TCOF1: variants seen among roughly 807,000 people sequenced by gnomAD.
TCOF1 encodes treacle protein.
A neutral mutation model predicts 149.0 loss-of-function variants in TCOF1; 33 were observed. The observed-to-expected ratio is 0.22, with a 90% CI of 0.17 to 0.30. The LOEUF (loss-of-function observed/expected upper bound fraction) is 0.30, where lower values mean the gene tolerates loss of function less well. TCOF1 is among the 10% of genes least tolerant of loss of function. The pLI, the probability that TCOF1 is intolerant of heterozygous loss-of-function variation, is 1.00. For missense variants in TCOF1, 1,728 were observed against 1,840.7 expected (o/e 0.94, Z 1.12); for synonymous variants, 789 against 738.8 (o/e 1.07, Z -1.10).
chr5:150,363,548 G>A (rs1475401648), intron 2 of TCOF1, among the ~76,000 whole-genome samples: 1 of 152,238 alleles, frequency 6.6e-6, no homozygotes, highest in Non-Finnish European at 1.5e-5. Context: ...GTAGTGAGCT[G>A]CCAGCTGCCT....
At chr5:150,362,475 A>G (rs1412559925) in intron 2 of TCOF1, among the ~76,000 whole-genome samples, 1 of 152,164 alleles carries the variant, frequency 6.6e-6, no homozygotes, top group African/African-American at 2.4e-5. Flanking sequence ...AGGACCAAGA[A>G]TAGTGCGTTC....
chr5:150,360,577 G>A (rs1759820982), intron 1 of TCOF1, among the ~76,000 whole-genome samples: 1 of 152,168 alleles, frequency 6.6e-6, no homozygotes, highest in Non-Finnish European at 1.5e-5. Flanking sequence ...GCTGGGAGCT[G>A]GATGAATGCT....
intron 1 of TCOF1, among the ~76,000 whole-genome samples, chr5:150,358,779 A>G (rs529575858): frequency 2.5e-4 from 38 of 152,024 alleles, no homozygotes; most frequent in African/African-American, 8.4e-4. Flanking sequence ...AGAGGTTGCA[A>G]TGAGTCAAGA....
chr5:150,387,762 C>T, intron 17 of TCOF1, 140 bp from the exon 18 acceptor site: 1 of 1,161,794 alleles, frequency 8.6e-7, no homozygotes, highest in South Asian at 1.4e-5. Flanking sequence ...GCACCCTGGG[C>T]AGCTGGAATG....
At chr5:150,372,740 G>T (rs113732839) in intron 7 of TCOF1, among the ~76,000 whole-genome samples, 2 of 152,190 alleles carry the variant, frequency 1.3e-5, no homozygotes, top group Non-Finnish European at 1.5e-5. Context: ...AGGACAAGGC[G>T]GGGGCATGCA....
At chr5:150,368,107 G>A in intron 4 of TCOF1, 190 bp downstream of exon 4, 1 of 601,980 alleles carries the variant, frequency 1.7e-6, no homozygotes, top group Non-Finnish European at 2.9e-6. Flanking sequence ...TTTCTATAAA[G>A]ATAAGGATGA....
chr5:150,385,188 A>G, intron 17 of TCOF1: 1 of 703,970 alleles, frequency 1.4e-6, no homozygotes, highest in Non-Finnish European at 1.7e-6. Context: ...TTTTAAGGCC[A>G]ACTTCTTCTA....
chr5:150,373,106 A>T (rs1476424641), intron 7 of TCOF1, among the ~76,000 whole-genome samples: 1 of 152,080 alleles, frequency 6.6e-6, no homozygotes, highest in Non-Finnish European at 1.5e-5. Context: ...TTTGAGACAG[A>T]GTCTTGCTCT....
chr5:150,386,303 G>T (rs752599091), intron 17 of TCOF1, among the ~76,000 whole-genome samples: 1 of 152,138 alleles, frequency 6.6e-6, no homozygotes, highest in East Asian at 1.9e-4. Context: ...GCTTCTCTTC[G>T]TCCCCGACAA....
chr5:150,359,048 T>C (rs1759370039), intron 1 of TCOF1, among the ~76,000 whole-genome samples: 1 of 151,374 alleles, frequency 6.6e-6, no homozygotes, highest in African/African-American at 2.4e-5. Context: ...AAAAAAATTT[T>C]TTTTAAGTCC....
In TCOF1 at chr5:150,378,955, C is replaced by G; in HGVS notation, c.2391C>G (p.Ala797=). ...AGGCCAAAGCCAACCCAGCTGCCGC[C>G]AGAGCACCTTCAGCAAAAGGGACAA... ...KTQAKANPAA[A]RAPSAKGTIS... is the part of the protein sequence containing the mutation. Residue 797 remains alanine (A), a synonymous_variant, in exon 15 of 27, where the codon GCC becomes GCG. Coordinates refer to ENST00000643257, the MANE Select transcript of TCOF1 (RefSeq NM_001371623.1). The G allele has an allele frequency of 6.2e-7, 1 of 1,614,124 alleles. No homozygotes were observed. The highest frequency in any genetic ancestry group is 8.5e-7 in the Non-Finnish European group (1 of 1,180,028).
At chr5:150,386,909 T>C (rs1050514214) in intron 17 of TCOF1, among the ~76,000 whole-genome samples, 1 of 152,236 alleles carries the variant, frequency 6.6e-6, no homozygotes, top group Non-Finnish European at 1.5e-5. Context: ...CTGTTGCTTG[T>C]TTGCTTTTTC....
intron 4 of TCOF1, chr5:150,368,507 C>T (rs1761848686): frequency 1.7e-6 from 1 of 597,522 alleles, no homozygotes; most frequent in Admixed American, 2.9e-5. Flanking sequence ...TACCATGTCC[C>T]AAGAACTGGG....
At chr5:150,393,098 T>C in intron 22 of TCOF1, 1 of 590,462 alleles carries the variant, frequency 1.7e-6, no homozygotes, top group Non-Finnish European at 3.0e-6. Context: ...ACTATCTGTA[T>C]GTGGCAAAAG....
At chr5:150,376,681 A>G (rs1040096517) in intron 14 of TCOF1, 61 bp downstream of exon 14, 2 of 1,527,864 alleles carry the variant, frequency 1.3e-6, no homozygotes, top group African/African-American at 2.8e-5. Flanking sequence ...AGGGCTGAGG[A>G]TGGGCTTGAC....
chr5:150,364,168 A>G lies in TCOF1; in HGVS notation c.220A>G (p.Lys74Glu). 1.2e-6 allele frequency: 2 copies of G among 1,614,178 alleles called. No individual in the cohort carries two copies. Among genetic ancestry groups the G allele is most frequent in the Non-Finnish European group, 1.7e-6 (2 of 1,180,034 alleles). Residue 74 changes from lysine (K) to glutamate (E), a missense_variant, in exon 3 of 27, where the codon AAG becomes GAG. Physicochemically the swap from Lys to Glu is moderately conservative, Grantham distance 56. Coordinates refer to ENST00000643257, the MANE Select transcript of TCOF1 (RefSeq NM_001371623.1). Reference protein sequence around the residue: ...KAEEDAALQAKKTRVSDPIST... With the variant: ...KAEEDAALQAEKTRVSDPIST... ...AGAGGAAGATGCGGCACTGCAAGCT[A>G]AGAAAACCCGTGTGTCAGACCCCAT...
chr5:150,383,717 A>G (rs1561516602), intron 17 of TCOF1: 1 of 1,551,484 alleles, frequency 6.4e-7, no homozygotes, highest in Non-Finnish European at 8.7e-7. Context: ...GGCTCCCTGT[A>G]TCTCTCTGTT....
chr5:150,374,238 G>C lies in TCOF1; in HGVS notation c.935G>C (p.Gly312Ala), dbSNP rs751577957. 11 of 1,611,752 alleles carry C rather than the reference G, an allele frequency of 6.8e-6. No homozygotes were observed. The highest frequency in any genetic ancestry group is 7.6e-6 in the Non-Finnish European group (9 of 1,179,146). Residue 312 changes from glycine to alanine, a missense_variant, in exon 8 of 27, where the codon GGG becomes GCG. Coordinates refer to ENST00000643257, the MANE Select transcript of TCOF1 (RefSeq NM_001371623.1). ...AASAPAKGTP[G>A]KGATPAPPGK... ...TCAGCCCCTGCCAAGGGGACCCCTGGGAAAGGGGCTACCCCAGCACCCCCT... is the reference window on the plus strand; with the variant it reads ...TCAGCCCCTGCCAAGGGGACCCCTGCGAAAGGGGCTACCCCAGCACCCCCT...
chr5:150,360,911 A>AT, intron 1 of TCOF1, among the ~76,000 whole-genome samples: 1 of 151,478 alleles, frequency 6.6e-6, no homozygotes, highest in Non-Finnish European at 1.5e-5. Context: ...TAATTTTTAA[A>AT]TTTTTTTATA....
Sources: gnomAD v4.1 joint callset for allele counts (sites outside exome capture counted in the v4.1 genomes callset) on GRCh38, gnomAD v4.1.1 for gene constraint, MANE v1.5 for transcripts, NCBI Gene and HGNC (gene_info 2026-07-23, HGNC 2026-07-21) for gene names.